PPARG: variants seen among roughly 807,000 people sequenced by gnomAD.
PPARG encodes the protein peroxisome proliferator-activated receptor gamma.
Under a neutral mutation model 39.2 loss-of-function variants are expected in PPARG, and 17 were observed. The ratio of observed to expected loss-of-function variants is 0.43; its 90% CI spans 0.30 to 0.65. PPARG has a LOEUF of 0.65. Among genes scored for constraint, PPARG ranks in the 30% least tolerant of loss-of-function variants. PPARG has a pLI of 0.13. For missense variants in PPARG, 406 were observed against 585.9 expected (o/e 0.69, Z 3.17); for synonymous variants, 223 against 215.7 (o/e 1.03, Z -0.30).
At chr3:12,315,839 G>A (rs569428529) in intron 2 of PPARG, among the ~76,000 whole-genome samples, 1 of 152,232 alleles carries the variant, frequency 6.6e-6, no homozygotes, top group East Asian at 1.9e-4. Context: ...TGGTGACAGT[G>A]AGGGTCTAAT....
chr3:12,351,700 T>G (rs368662399), intron 2 of PPARG: 96 of 1,556,118 alleles, frequency 6.2e-5, no homozygotes, highest in Non-Finnish European at 8.2e-5. Context: ...GATACGGCTA[T>G]TGGGGACGTG....
At chr3:12,424,363 G>A (rs1360332158) in intron 7 of PPARG, among the ~76,000 whole-genome samples, 3 of 152,196 alleles carry the variant, frequency 2.0e-5, no homozygotes, top group Admixed American at 2.0e-4. Context: ...GGCATGGTAG[G>A]TTGGGATCAT....
At chr3:12,344,877 G>A (rs2048283227) in intron 2 of PPARG, 1 of 152,146 alleles carries the variant, frequency 6.6e-6, no homozygotes. Context: ...ATGTGACAAG[G>A]CTTGAATGCA....
chr3:12,301,851 T>C (rs1225381782), intron 1 of PPARG: 1 of 152,092 alleles, frequency 6.6e-6, no homozygotes, highest in African/African-American at 2.4e-5. Flanking sequence ...CTGAAACAGG[T>C]TTGAGGCTTT....
At chr3:12,389,470 C>G (rs768400155) in intron 4 of PPARG, among the ~76,000 whole-genome samples, 2 of 152,006 alleles carry the variant, frequency 1.3e-5, no homozygotes, top group Admixed American at 1.3e-4. Context: ...TAAAAGCAAC[C>G]AAAGAGAAAA....
At chr3:12,336,393 C>T (rs1285868795) in intron 2 of PPARG, among the ~76,000 whole-genome samples, 2 of 151,978 alleles carry the variant, frequency 1.3e-5, no homozygotes, top group African/African-American at 4.8e-5. Flanking sequence ...GTTTTCACCT[C>T]TTGATACTCT....
chr3:12,333,106 A>AT (rs1227877579), intron 2 of PPARG, among the ~76,000 whole-genome samples: 4 of 152,160 alleles, frequency 2.6e-5, no homozygotes, highest in African/African-American at 9.7e-5. Flanking sequence ...TGCATAGGTG[A>AT]TCTTTCTAGT....
intron 1 of PPARG, among the ~76,000 whole-genome samples, chr3:12,310,412 G>A (rs1043453350): frequency 2.8e-5 from 4 of 145,292 alleles, no homozygotes; most frequent in Admixed American, 6.8e-5. Context: ...ATTTGGTTCC[G>A]TTTTTTAGAT....
intron 2 of PPARG, among the ~76,000 whole-genome samples, chr3:12,321,034 C>G (rs923284612): frequency 2.0e-5 from 3 of 152,172 alleles, no homozygotes; most frequent in African/African-American, 7.2e-5. Context: ...ATTCAGTTTT[C>G]TCTTTTATGT....
At chr3:12,372,133 C>A (rs2125148191) in intron 2 of PPARG, 2 of 719,432 alleles carry the variant, frequency 2.8e-6, no homozygotes, top group East Asian at 5.3e-5. Context: ...TGTTGCCTAG[C>A]TGAACACATT....
intron 2 of PPARG, among the ~76,000 whole-genome samples, chr3:12,361,898 A>G (rs535802547): frequency 5.3e-5 from 8 of 152,326 alleles, no homozygotes; most frequent in African/African-American, 1.2e-4. Context: ...TTCTGAATCT[A>G]TAGATAAATT....
intron 7 of PPARG, among the ~76,000 whole-genome samples, chr3:12,433,368 T>C (rs1474751882): frequency 6.6e-6 from 1 of 151,946 alleles, no homozygotes; most frequent in African/African-American, 2.4e-5. Flanking sequence ...TGAAACCCTA[T>C]CTCTACTAAA....
intron 4 of PPARG, among the ~76,000 whole-genome samples, chr3:12,385,954 A>G (rs186419072): frequency 6.6e-6 from 1 of 152,316 alleles, no homozygotes; most frequent in Admixed American, 6.5e-5. Context: ...TTTTCAAATG[A>G]TATGAAAAAT....
intron 7 of PPARG, among the ~76,000 whole-genome samples, chr3:12,424,711 C>T (rs1476965636): frequency 6.6e-6 from 1 of 152,120 alleles, no homozygotes; most frequent in Non-Finnish European, 1.5e-5. Context: ...GAGGGCTCAC[C>T]AGCGTCACAA....
At chr3:12,293,568 G>A (rs931292081) in intron 1 of PPARG, among the ~76,000 whole-genome samples, 3 of 152,150 alleles carry the variant, frequency 2.0e-5, no homozygotes, top group African/African-American at 7.2e-5. Context: ...GTCTGTATAT[G>A]CTCAACTCCC....
intron 7 of PPARG, among the ~76,000 whole-genome samples, chr3:12,423,645 G>A (rs1211920406): frequency 6.6e-6 from 1 of 152,182 alleles, no homozygotes; most frequent in African/African-American, 2.4e-5. Flanking sequence ...CTGGAGAGGA[G>A]ACCAAACCCA....
chr3:12,337,966 T>C (rs1281269077), intron 2 of PPARG, among the ~76,000 whole-genome samples: 2 of 152,178 alleles, frequency 1.3e-5, no homozygotes, highest in Non-Finnish European at 2.9e-5. Flanking sequence ...TGGATTTTTG[T>C]ATCCACAACG....
In PPARG at chr3:12,381,346, C is replaced by T; in HGVS notation, c.245C>T (p.Ser82Phe). 6.2e-7 allele frequency: 1 copy of T among 1,613,300 alleles called. No homozygotes were observed. The highest frequency in any genetic ancestry group is 1.3e-5 in the African/African-American group (1 of 75,000). Reference sequence around the variant, plus strand: ...GGTGCAATCAAAGTGGAGCCTGCATCTCCACCTTATTATTCTGAGAAGACT... The same window carrying T: ...GGTGCAATCAAAGTGGAGCCTGCATTTCCACCTTATTATTCTGAGAAGACT... ...YQSAIKVEPA[S>F]PPYYSEKTQL... The change falls in exon 4 of 8, where the codon TCT (serine) becomes TTT (phenylalanine). Residue 82 changes from serine to phenylalanine, a missense_variant. By Grantham distance (155) the Ser-to-Phe change is radical. Around this residue, in one of 2 missense-constraint regions of PPARG, gnomAD observed 131 missense variants for 127.9 expected, o/e 1.02. Coordinates refer to ENST00000651735, the MANE Select transcript of PPARG (RefSeq NM_138711.6).
intron 1 of PPARG, among the ~76,000 whole-genome samples, chr3:12,299,266 T>C (rs2046868671): frequency 6.6e-6 from 1 of 152,182 alleles, no homozygotes; most frequent in African/African-American, 2.4e-5. Context: ...TTTACAATTA[T>C]TGTTATCTAG....
Sources: allele counts gnomAD v4.1 joint callset (sites outside exome capture counted in the v4.1 genomes callset), GRCh38; gene constraint gnomAD v4.1.1; regional missense constraint gnomAD v4.1.1; transcripts MANE v1.5; gene names NCBI Gene and HGNC (gene_info 2026-07-23, HGNC 2026-07-21).